Variants in SLIT1 observed in about 807,000 individuals in gnomAD.
SLIT1 encodes the protein slit guidance ligand 1.
Under a neutral mutation model 186.1 loss-of-function variants are expected in SLIT1, and 66 were observed. The observed-to-expected ratio is 0.35, with a 90% CI of 0.29 to 0.44. The LOEUF (loss-of-function observed/expected upper bound fraction) is 0.44. Ranked by LOEUF, SLIT1 falls within the 20% of genes least tolerant of loss-of-function variation. The probability of loss-of-function intolerance (pLI) is 1.00; values close to 1 mark genes in which losing one functional copy is unlikely to be tolerated. For missense variants in SLIT1, 1,638 were observed against 2,037.4 expected (o/e 0.80, Z 3.77); for synonymous variants, 761 against 833.8 (o/e 0.91, Z 1.50).
intron 4 of SLIT1, among the ~76,000 whole-genome samples, chr10:97,122,027 C>T (rs897626056): frequency 2.6e-5 from 4 of 152,150 alleles, no homozygotes; most frequent in Admixed American, 2.0e-4. Context: ...AGCCACTGCC[C>T]GCAGTCATCC....
chr10:97,174,295 G>A (rs572694683), intron 1 of SLIT1, among the ~76,000 whole-genome samples: 18 of 152,332 alleles, frequency 1.2e-4, no homozygotes, highest in African/African-American at 4.3e-4. Flanking sequence ...CACATAGTAG[G>A]TGCTCACTGA....
rs1307310002 is a variant in SLIT1 at position 96,998,872 on chromosome 10, C to T, written c.*2240G>A. 2 of 152,298 alleles carry T rather than the reference C, an allele frequency of 1.3e-5. No homozygotes were observed. The highest frequency in any genetic ancestry group is 3.9e-4 in the East Asian group (2 of 5,190). The allele number at this position is 152,298 out of a possible 1,614,324, so 9.4% of individuals were successfully genotyped here. A position where few individuals can be genotyped will look rare whatever the true frequency, so the allele number is the denominator to read the frequency against. On this transcript the variant is annotated 3_prime_UTR_variant, in exon 37 of 37. Transcript: ENST00000266058. ...GCGCCAGGTGAGGGGTGAGCATCAC[C>T]TGTCTACAGGTGTCCTTTCCACCTC...
intron 1 of SLIT1, among the ~76,000 whole-genome samples, chr10:97,169,345 T>C (rs531629350): frequency 6.6e-6 from 1 of 152,138 alleles, no homozygotes; most frequent in South Asian, 2.1e-4. Flanking sequence ...CCTAAGGAGG[T>C]ATCATTGCCA....
intron 30 of SLIT1, 53 bp from the exon 31 acceptor site, chr10:97,011,183 AG>A: frequency 7.5e-7 from 1 of 1,333,568 alleles, no homozygotes; most frequent in South Asian, 1.2e-5. Context: ...AGAGTCTGGG[AG>A]GCCAGGGGAG....
chr10:97,082,793 G>A lies in SLIT1; in HGVS notation c.414-16707C>T, dbSNP rs141823556. Among the ~76,000 whole-genome samples, 71 of 152,322 alleles carry A rather than the reference G, an allele frequency of 4.7e-4. 1 individual carries two copies. Among genetic ancestry groups the A allele is most frequent in the Middle Eastern group, 3.4e-3 (1 of 294 alleles). On this transcript the variant is annotated intron_variant, in intron 4 of 36. Coordinates refer to ENST00000266058, the MANE Select transcript of SLIT1 (RefSeq NM_003061.3). ...TGCTCTCACCACTCTGGTGTGGGAC[G>A]TTAATAGTCAGAGAGAATGTGTGTG... is the stretch of plus-strand genomic sequence containing the variant.
intron 2 of SLIT1, among the ~76,000 whole-genome samples, chr10:97,164,269 G>A (rs1409237245): frequency 2.9e-5 from 3 of 102,806 alleles, no homozygotes; most frequent in Non-Finnish European, 4.2e-5. Flanking sequence ...CTCAGATGAC[G>A]TTGGGGGCAG....
At position 97,001,253 on chromosome 10, in the gene SLIT1, G is replaced by A. The variant is rs751175799; in HGVS notation, c.4464C>T (p.Cys1488=). Reference sequence around the variant, plus strand: ...AGCCCTGGCCTGGGCACGAGCCCCGGCACTCCACCCATGACAGGGGGCGCG... The same window carrying A: ...AGCCCTGGCCTGGGCACGAGCCCCGACACTCCACCCATGACAGGGGGCGCG... ...QTTRPLSWVE[C]RGSCPGQGCC... is the part of the protein sequence containing the mutation. Residue 1488 remains cysteine, a synonymous_variant, in exon 37 of 37, where the codon TGC becomes TGT. Transcript: ENST00000266058. 2.6e-5 allele frequency: 42 copies of A among 1,613,226 alleles called. No individual in the cohort carries two copies. In the African/African-American group the frequency reaches 4.1e-4, roughly 16 times the overall value.
rs138553998 is a variant in SLIT1, at chr10:97,110,244, T to C, written c.414-44158A>G. On this transcript the variant is annotated intron_variant, in intron 4 of 36. Coordinates refer to ENST00000266058, the MANE Select transcript of SLIT1 (RefSeq NM_003061.3). Reference sequence around the variant, plus strand: ...GTTCCGATGACAGAGCCTCTCCTCATAGGCTTTACATTTGCAAAATGATTT... The same window carrying C: ...GTTCCGATGACAGAGCCTCTCCTCACAGGCTTTACATTTGCAAAATGATTT... 2.2e-3 allele frequency among the ~76,000 whole-genome samples: 337 copies of C among 152,274 alleles called. 1 individual carries two copies. The highest frequency in any genetic ancestry group is 5.5e-3 in the African/African-American group (227 of 41,542).
At chr10:97,146,438 A>G (rs1849818270) in intron 4 of SLIT1, among the ~76,000 whole-genome samples, 2 of 152,130 alleles carry the variant, frequency 1.3e-5, no homozygotes. Context: ...ACCCACTGAA[A>G]GGACCATGCT....
chr10:97,161,213 C>A (rs1850021843), intron 3 of SLIT1, among the ~76,000 whole-genome samples: 1 of 152,232 alleles, frequency 6.6e-6, no homozygotes, highest in South Asian at 2.1e-4. Context: ...CTCCTCCCCT[C>A]CTTCCCAGCA....
At chr10:97,132,032 C>T (rs1419517301) in intron 4 of SLIT1, among the ~76,000 whole-genome samples, 1 of 152,210 alleles carries the variant, frequency 6.6e-6, no homozygotes, top group East Asian at 1.9e-4. Flanking sequence ...GTCCATCCCC[C>T]AAATGTTTAA....
Position 97,037,784 on chromosome 10 carries a change from C to CG in SLIT1, c.2298-19dup, listed in dbSNP as rs751264477. On this transcript the variant is annotated intron_variant, in intron 21 of 36. Transcript: ENST00000266058. ...CCAAATAGCTGCAGAGAGAACACAG[C>CG]GGCGTTAGTGCCCATCTCCACCTCT... 1.9e-6 allele frequency: 3 copies of CG among 1,592,252 alleles called. No individual in the cohort carries two copies. The highest frequency in any genetic ancestry group is 2.6e-6 in the Non-Finnish European group (3 of 1,162,410).
Position 97,001,203 on chromosome 10 carries a change from C to T in SLIT1, c.4514G>A (p.Arg1505Gln), listed in dbSNP as rs565573074. 50 of 1,613,144 alleles carry T rather than the reference C, an allele frequency of 3.1e-5. No individual in the cohort carries two copies. The highest frequency in any genetic ancestry group is 2.2e-4 in the South Asian group (20 of 91,090). The change falls in exon 37 of 37, where the codon CGG becomes CAG. Residue 1505 changes from arginine to glutamine, a missense_variant. By Grantham distance (43) the Arg-to-Gln change is conservative (BLOSUM62 1). Coordinates refer to ENST00000266058, the MANE Select transcript of SLIT1 (RefSeq NM_003061.3). ...QGCCQGLRLK[R>Q]RKFTFECSDG... ...GCTGCACTCAAAGGTGAACTTCCTC[C>T]GCTTCAGCCGAAGGCCCTGGCAGCA...
chr10:97,048,016 T>C lies in SLIT1; in HGVS notation c.1466-20A>G, dbSNP rs576446638. On this transcript the variant is annotated intron_variant, in intron 14 of 36. Coordinates refer to ENST00000266058, the MANE Select transcript of SLIT1 (RefSeq NM_003061.3). ...CTTTGGCTGGGAAGAGAAGCAGAAA[T>C]ACCATAATGCAGGAATCAGCCAGGA... is the stretch of plus-strand genomic sequence containing the variant. 5.6e-6 allele frequency: 9 copies of C among 1,613,780 alleles called. No individual in the cohort carries two copies. Among genetic ancestry groups the C allele is most frequent in the African/African-American group, 4.0e-5 (3 of 74,962 alleles).
chr10:97,082,130 C>CACT (rs1849111409), intron 4 of SLIT1, among the ~76,000 whole-genome samples: 1 of 152,236 alleles, frequency 6.6e-6, no homozygotes, highest in East Asian at 1.9e-4. Flanking sequence ...CCCCAGTTTC[C>CACT]ACTTCTCCAG....
chr10:97,153,074 G>A (rs1849898947), intron 4 of SLIT1: 1 of 152,120 alleles, frequency 6.6e-6, no homozygotes, highest in African/African-American at 2.4e-5. Context: ...TTTCTTTAGG[G>A]CAGATGCCCA....
In SLIT1 at chr10:97,002,152, C is replaced by A; in HGVS notation, c.4366+6G>T. 1 of 1,437,666 alleles carries A rather than the reference C, an allele frequency of 7.0e-7. No homozygotes were observed. The highest frequency in any genetic ancestry group is 9.2e-7 in the Non-Finnish European group (1 of 1,088,046). 89.1% of individuals were successfully genotyped at this position (1,437,666 alleles called of 1,614,324 possible). On this transcript the variant is annotated splice_donor_region_variant and intron_variant, in intron 36 of 36. Coordinates refer to ENST00000266058, the MANE Select transcript of SLIT1 (RefSeq NM_003061.3). Reference sequence around the variant, plus strand: ...GGGAGGGCACGTCAGGAGGGGGGCCCCTGACCTTGCTCACACAGCTCGCCC... The same window carrying A: ...GGGAGGGCACGTCAGGAGGGGGGCCACTGACCTTGCTCACACAGCTCGCCC...
At chr10:97,057,151 C>G (rs1848847958) in intron 12 of SLIT1, 59 bp downstream of exon 12, 1 of 1,390,666 alleles carries the variant, frequency 7.2e-7, no homozygotes, top group Non-Finnish European at 1.0e-6. Context: ...GTCTAGCAGG[C>G]CAGAGGAAAG....
chr10:97,147,863 G>A (rs1278574988), intron 4 of SLIT1, among the ~76,000 whole-genome samples: 3 of 152,124 alleles, frequency 2.0e-5, no homozygotes, highest in Non-Finnish European at 4.4e-5. Context: ...CCACCCCTGT[G>A]TCTGCACAGC....
Sources: allele counts gnomAD v4.1 joint callset (sites outside exome capture counted in the v4.1 genomes callset), GRCh38; gene constraint gnomAD v4.1.1; transcripts MANE v1.5; gene names NCBI Gene and HGNC (gene_info 2026-07-23, HGNC 2026-07-21).